Variants in RANBP17 observed in about 807,000 individuals in gnomAD.
The protein encoded by RANBP17 is RAN binding protein 17, also known as ran-binding protein 17.
In RANBP17, 158 loss-of-function variants were observed where a neutral mutation model predicts 141.2. The observed-to-expected ratio is 1.12, with a 90% CI of 0.98 to 1.28. The LOEUF (loss-of-function observed/expected upper bound fraction) is 1.28, where lower values mean the gene tolerates loss of function less well. Among genes scored for constraint, RANBP17 ranks in the 50% most tolerant of loss-of-function variants. The pLI is 0.00. For synonymous variants in RANBP17, 430 were observed against 450.0 expected (o/e 0.96, Z 0.56); for missense variants, 1,438 against 1,290.7 (o/e 1.11, Z -1.75).
chr5:171,021,520 T>G (rs1387777632), intron 14 of RANBP17, among the ~76,000 whole-genome samples: 3 of 152,222 alleles, frequency 2.0e-5, no homozygotes, highest in African/African-American at 7.2e-5. Context: ...TTTCAGTAAG[T>G]TGATCTTCAA....
intron 24 of RANBP17, among the ~76,000 whole-genome samples, chr5:171,247,601 A>G (rs1422657700): frequency 6.6e-6 from 1 of 152,204 alleles, no homozygotes; most frequent in African/African-American, 2.4e-5. Flanking sequence ...TAGCATTTTT[A>G]ATTTCATGCT....
At chr5:171,006,002 T>C (rs977328579) in intron 14 of RANBP17, among the ~76,000 whole-genome samples, 3 of 152,112 alleles carry the variant, frequency 2.0e-5, no homozygotes, top group South Asian at 2.1e-4. Context: ...AAAATGCTCA[T>C]CATCACTGGC....
chr5:170,922,381 G>A (rs948388560), intron 11 of RANBP17, among the ~76,000 whole-genome samples: 7 of 152,210 alleles, frequency 4.6e-5, no homozygotes, highest in African/African-American at 1.2e-4. Context: ...AGACAGGGAC[G>A]TTTAAGTCTG....
chr5:171,255,470 A>G (rs1480091964), intron 24 of RANBP17, among the ~76,000 whole-genome samples: 2 of 152,178 alleles, frequency 1.3e-5, no homozygotes, highest in Non-Finnish European at 2.9e-5. Flanking sequence ...GTTAAATTTC[A>G]TATTAAAGCA....
chr5:171,253,983 C>T (rs1248328993), intron 24 of RANBP17, among the ~76,000 whole-genome samples: 3 of 152,140 alleles, frequency 2.0e-5, no homozygotes, highest in African/African-American at 4.8e-5. Context: ...CGCGGTGGCT[C>T]ACGCCTATAA....
At chr5:171,044,745 C>T (rs1184430862) in intron 14 of RANBP17, among the ~76,000 whole-genome samples, 2 of 152,026 alleles carry the variant, frequency 1.3e-5, no homozygotes, top group Non-Finnish European at 2.9e-5. Flanking sequence ...ATGGTTTACC[C>T]AGTTTGATTT....
chr5:171,215,763 T>G (rs1293535051), intron 21 of RANBP17, among the ~76,000 whole-genome samples: 2 of 152,210 alleles, frequency 1.3e-5, no homozygotes, highest in Admixed American at 6.5e-5. Flanking sequence ...TTTGTTTTTT[T>G]CTTGTAAATT....
intron 14 of RANBP17, among the ~76,000 whole-genome samples, chr5:171,131,321 T>G (rs930502008): frequency 1.3e-5 from 2 of 152,218 alleles, no homozygotes; most frequent in African/African-American, 4.8e-5. Flanking sequence ...TACTATTGCT[T>G]TCCAGATCCA....
intron 5 of RANBP17, 48 bp downstream of exon 5, chr5:170,896,163 T>TG (rs1310291476): frequency 6.2e-6 from 8 of 1,291,132 alleles, no homozygotes; most frequent in Non-Finnish European, 7.7e-6. Context: ...GCTTAAGTAA[T>TG]GCTGTTTCTT....
intron 5 of RANBP17, chr5:170,904,044 G>T: frequency 2.1e-6 from 1 of 468,590 alleles, no homozygotes; most frequent in Non-Finnish European, 4.2e-6. Context: ...GCTGCTTCAG[G>T]CAGACCCTAA....
chr5:171,029,287 T>C (rs1781412704), intron 14 of RANBP17: 1 of 152,804 alleles, frequency 6.5e-6, no homozygotes, highest in African/African-American at 2.4e-5. Context: ...GGGAGAAAAA[T>C]ACTGAAACAG....
chr5:171,065,098 T>G (rs1046334026), intron 14 of RANBP17, among the ~76,000 whole-genome samples: 13 of 152,212 alleles, frequency 8.5e-5, no homozygotes, highest in African/African-American at 3.1e-4. Flanking sequence ...ATTCACTGAT[T>G]ATTTCTTTTG....
At chr5:170,995,150 G>T (rs973900813) in intron 14 of RANBP17, among the ~76,000 whole-genome samples, 1 of 152,040 alleles carries the variant, frequency 6.6e-6, no homozygotes, top group African/African-American at 2.4e-5. Flanking sequence ...AGATTTTTAT[G>T]ATCTTACGTG....
At chr5:171,101,452 TA>T (rs1223939743) in intron 14 of RANBP17, among the ~76,000 whole-genome samples, 4 of 152,312 alleles carry the variant, frequency 2.6e-5, no homozygotes, top group Admixed American at 6.5e-5. Flanking sequence ...ATTTGCTTGG[TA>T]AAGCTTCTCC....
At chr5:171,251,466 T>C (rs1561801499) in intron 24 of RANBP17, among the ~76,000 whole-genome samples, 1 of 151,224 alleles carries the variant, frequency 6.6e-6, no homozygotes, top group African/African-American at 2.4e-5. Context: ...AAGAGGAACT[T>C]GGAAACTATA....
At chr5:171,130,983 CTT>C (rs1360046648) in intron 14 of RANBP17, among the ~76,000 whole-genome samples, 2 of 152,044 alleles carry the variant, frequency 1.3e-5, no homozygotes, top group African/African-American at 4.8e-5. Context: ...TGTTCAGAGA[CTT>C]TTGTCTTTGG....
intron 11 of RANBP17, among the ~76,000 whole-genome samples, chr5:170,922,744 A>C (rs1581154063): frequency 6.6e-6 from 1 of 152,074 alleles, no homozygotes; most frequent in Admixed American, 6.5e-5. Flanking sequence ...CTTGGCTAGG[A>C]AAGGGAAATC....
intron 4 of RANBP17, 76 bp downstream of exon 4, chr5:170,892,629 G>A (rs1769747102): frequency 7.0e-6 from 8 of 1,138,816 alleles, no homozygotes; most frequent in East Asian, 2.5e-5. Flanking sequence ...TTCTTAAAGC[G>A]ATATAGTTTG....
intron 18 of RANBP17, among the ~76,000 whole-genome samples, chr5:171,192,885 A>T (rs1761739604): frequency 6.6e-6 from 1 of 152,038 alleles, no homozygotes; most frequent in Non-Finnish European, 1.5e-5. Flanking sequence ...ACTAGCTAGC[A>T]CTCCTAAGCA....
Sources: allele counts gnomAD v4.1 joint callset (sites outside exome capture counted in the v4.1 genomes callset), GRCh38; gene constraint gnomAD v4.1.1; transcripts MANE v1.5; gene names NCBI Gene and HGNC (gene_info 2026-07-23, HGNC 2026-07-21).